The following FRMD8 variants were observed in gnomAD, a reference collection of about 807,000 sequenced individuals.
FRMD8 encodes the protein FERM domain containing 8, also known as FERM domain-containing protein 8.
Under a neutral mutation model 54.2 loss-of-function variants are expected in FRMD8, and 37 were observed. The ratio of observed to expected loss-of-function variants is 0.68; its 90% CI spans 0.53 to 0.90. The LOEUF (loss-of-function observed/expected upper bound fraction) is 0.90, where lower values mean the gene tolerates loss of function less well. FRMD8 is among the 40% of genes least tolerant of loss of function. FRMD8 has a pLI of 0.00. For missense variants in FRMD8, 585 were observed against 653.7 expected (o/e 0.89, Z 1.15); for synonymous variants, 246 against 286.9 (o/e 0.86, Z 1.44).
At chr11:65,386,880 C>T (rs1423851623) in intron 1 of FRMD8, 119 bp downstream of exon 1, 14 of 674,496 alleles carry the variant, frequency 2.1e-5, no homozygotes, top group Non-Finnish European at 3.6e-5. Flanking sequence ...ACCCCTCCCA[C>T]CAGCGCCCGG....
At chr11:65,379,786 C>T in the FRMD8 span, 1 of 1,563,646 alleles carries the variant, frequency 6.4e-7, no homozygotes, top group African/African-American at 1.4e-5. Flanking sequence ...GAGCAGAACC[C>T]TGCTGGAGAG....
chr11:65,381,835 C>T, upstream of FRMD8: 2 of 1,574,646 alleles, frequency 1.3e-6, no homozygotes, highest in Non-Finnish European at 1.7e-6. Flanking sequence ...TTGGTCTCTG[C>T]TCCTCCCATG....
chr11:65,394,397 C>T lies in FRMD8; in HGVS notation c.553C>T (p.Pro185Ser). 6.4e-7 allele frequency: 1 copy of T among 1,570,310 alleles called. No homozygotes were observed. The highest frequency in any genetic ancestry group is 8.6e-7 in the Non-Finnish European group (1 of 1,160,012). Residue 185 changes from proline to serine, a missense_variant, in exon 6 of 11, where the codon CCC (proline) becomes TCC (serine). Pro to Ser is a moderately conservative substitution (Grantham distance 74). Coordinates refer to ENST00000317568, the MANE Select transcript of FRMD8 (RefSeq NM_031904.5). ...CCGCGTGCAGCTTGGGCCCTACCAG[C>T]CCGGCCGGCCGGCAGCCTGCGACCT... The part of the protein sequence containing the change: ...VCRVQLGPYQ[P>S]GRPAACDLRE...
chr11:65,376,069 CAAAAAAAAAAAAA>C, the FRMD8 span: 4 of 108,710 alleles, frequency 3.7e-5, no homozygotes, highest in Non-Finnish European at 7.0e-5. Context: ...GACTCCATCT[CAAAAAAAAAAAAA>C]AAAAAAAAAA....
intron 10 of FRMD8, among the ~76,000 whole-genome samples, chr11:65,407,810 G>A (rs974064264): frequency 1.3e-5 from 2 of 151,472 alleles, no homozygotes; most frequent in Non-Finnish European, 2.9e-5. Flanking sequence ...CGTGAACCTG[G>A]GAGGCGGAGC....
upstream of FRMD8, chr11:65,381,727 T>C (rs1389227284): frequency 3.0e-6 from 2 of 657,070 alleles, no homozygotes; most frequent in East Asian, 5.6e-5. Flanking sequence ...GCTAATTATT[T>C]TGATTTTTTT....
chr11:65,386,820 C>T (rs1855741455), intron 1 of FRMD8, 59 bp downstream of exon 1: 12 of 567,988 alleles, frequency 2.1e-5, no homozygotes, highest in Middle Eastern at 4.6e-4. Flanking sequence ...TGCGCCTTGC[C>T]CTGCCTGGGC....
At chr11:65,394,020 T>C (rs1004903585) in intron 4 of FRMD8, 21 bp from the exon 5 acceptor site, 1 of 1,613,680 alleles carries the variant, frequency 6.2e-7, no homozygotes, top group Non-Finnish European at 8.5e-7. Flanking sequence ...TGCCCGGCAG[T>C]GACCCAGCCT....
Position 65,413,150 on chromosome 11 carries a change from C to CGCTGAT in FRMD8, c.*1791_*1796dup. 1 of 152,230 alleles carries CGCTGAT rather than the reference C, an allele frequency of 6.6e-6. No homozygotes were observed. Among genetic ancestry groups the CGCTGAT allele is most frequent in the East Asian group, 1.9e-4 (1 of 5,176 alleles). 9.4% of individuals were successfully genotyped at this position (152,230 alleles called of 1,614,324 possible). ...ATTACAGGTGCATGCCACCAGGCCCCGCTGATTTTTGTATTTTTAGTAGAG... is the reference window on the plus strand; with the variant it reads ...ATTACAGGTGCATGCCACCAGGCCCCGCTGATGCTGATTTTTGTATTTTTAGTAGAG... On this transcript the variant is annotated 3_prime_UTR_variant, in exon 11 of 11. Transcript: ENST00000317568.
chr11:65,406,233 G>A (rs1410913216), intron 10 of FRMD8, among the ~76,000 whole-genome samples: 4 of 143,730 alleles, frequency 2.8e-5, no homozygotes, highest in African/African-American at 5.2e-5. Flanking sequence ...TCACTCTGTC[G>A]CCCAGGCTGG....
upstream of FRMD8, chr11:65,381,960 C>T: frequency 6.2e-7 from 1 of 1,613,870 alleles, no homozygotes; most frequent in Non-Finnish European, 8.5e-7. Flanking sequence ...ATTGTCTGGG[C>T]TTGCGGGAAC....
intron 10 of FRMD8, among the ~76,000 whole-genome samples, chr11:65,410,533 G>A (rs1419341658): frequency 6.6e-6 from 1 of 151,940 alleles, no homozygotes; most frequent in Non-Finnish European, 1.5e-5. Context: ...GCTCACGCCT[G>A]TAATCCCAGC....
intron 6 of FRMD8, among the ~76,000 whole-genome samples, chr11:65,396,004 G>A (rs1298252241): frequency 6.6e-6 from 1 of 152,242 alleles, no homozygotes; most frequent in Admixed American, 6.5e-5. Flanking sequence ...GTGTGTCTGT[G>A]TGCCCTCGCA....
chr11:65,372,341 C>T, the FRMD8 span, among the ~76,000 whole-genome samples: 1 of 152,126 alleles, frequency 6.6e-6, no homozygotes, highest in Admixed American at 6.6e-5. Flanking sequence ...ACTAATCACA[C>T]CATACTAAAC....
chr11:65,374,562 G>A, the FRMD8 span, among the ~76,000 whole-genome samples: 41 of 152,170 alleles, frequency 2.7e-4, no homozygotes, highest in Admixed American at 6.5e-4. Flanking sequence ...GTGGACTCAC[G>A]TTGATCTCAG....
chr11:65,387,215 T>C, intron 2 of FRMD8, 94 bp downstream of exon 2: 1 of 1,019,902 alleles, frequency 9.8e-7, no homozygotes, highest in Non-Finnish European at 1.5e-6. Context: ...TTAAAGATAA[T>C]TTATGTATCG....
At chr11:65,407,986 C>T (rs920321625) in intron 10 of FRMD8, among the ~76,000 whole-genome samples, 4 of 151,856 alleles carry the variant, frequency 2.6e-5, no homozygotes, top group African/African-American at 7.2e-5. Flanking sequence ...GTAGCTTTGA[C>T]TTTTTCTTTG....
intron 2 of FRMD8, among the ~76,000 whole-genome samples, chr11:65,388,583 A>T (rs569601055): frequency 6.6e-6 from 1 of 152,208 alleles, no homozygotes; most frequent in East Asian, 1.9e-4. Context: ...GTGTTCCTTC[A>T]CCATGCCTGC....
At chr11:65,379,551 A>T in the FRMD8 span, 1 of 1,608,992 alleles carries the variant, frequency 6.2e-7, no homozygotes, top group Non-Finnish European at 8.5e-7. Flanking sequence ...TCCCTTGAAG[A>T]AGCCCAGGAG....
Sources: gnomAD v4.1 joint callset for allele counts (sites outside exome capture counted in the v4.1 genomes callset) on GRCh38, gnomAD v4.1.1 for gene constraint, MANE v1.5 for transcripts, NCBI Gene and HGNC (gene_info 2026-07-23, HGNC 2026-07-21) for gene names.